INPP4B: variants seen among roughly 807,000 people sequenced by gnomAD.
The protein encoded by INPP4B is inositol polyphosphate 4-phosphatase type II.
A neutral mutation model predicts 122.5 loss-of-function variants in INPP4B; 55 were observed. That is an observed-to-expected ratio of 0.45 (90% confidence interval 0.36 to 0.56). INPP4B has a LOEUF of 0.56. INPP4B is among the 20% of genes least tolerant of loss of function. INPP4B has a pLI of 0.00. For missense variants in INPP4B, 1,000 were observed against 1,097.7 expected (o/e 0.91, Z 1.26); for synonymous variants, 403 against 388.7 (o/e 1.04, Z -0.43).
chr4:142,204,492 T>C (rs1435008827), intron 14 of INPP4B, among the ~76,000 whole-genome samples: 1 of 152,054 alleles, frequency 6.6e-6, no homozygotes, highest in Non-Finnish European at 1.5e-5. Flanking sequence ...TTGCTTGATA[T>C]TTGTCATTAC....
rs891400658 is a variant in INPP4B, at chr4:142,278,586, T to C, written c.504-7812A>G. On this transcript the variant is annotated intron_variant, in intron 9 of 25. Transcript: ENST00000262992. ...GATTGGAGAAGCTATGATCCCAAGATAGTGTGGCGAATTCCCCTTACCTTT... is the reference window on the plus strand; with the variant it reads ...GATTGGAGAAGCTATGATCCCAAGACAGTGTGGCGAATTCCCCTTACCTTT... Among the ~76,000 whole-genome samples the C allele has an allele frequency of 9.2e-5, 14 of 151,992 alleles. No individual in the cohort carries two copies. In the East Asian group the frequency reaches 1.5e-3, roughly 17 times the overall value.
intron 14 of INPP4B, among the ~76,000 whole-genome samples, chr4:142,194,686 C>T (rs2149376110): frequency 6.6e-6 from 1 of 152,298 alleles, no homozygotes; most frequent in South Asian, 2.1e-4. Flanking sequence ...GCTTCTAACT[C>T]AGTGACAGAG....
chr4:142,427,502 T>C, intron 5 of INPP4B: 1 of 658,924 alleles, frequency 1.5e-6, no homozygotes, highest in Admixed American at 2.1e-5. Flanking sequence ...GATGATGGTG[T>C]TGTTACTGAA....
chr4:142,818,017 A>G (rs1339099978), intron 1 of INPP4B, among the ~76,000 whole-genome samples: 1 of 151,936 alleles, frequency 6.6e-6, no homozygotes, highest in Non-Finnish European at 1.5e-5. Flanking sequence ...AAAAATTGAG[A>G]GGAAGAAAAC....
intron 14 of INPP4B, among the ~76,000 whole-genome samples, chr4:142,195,752 A>G (rs766186844): frequency 6.6e-6 from 1 of 152,228 alleles, no homozygotes; most frequent in Non-Finnish European, 1.5e-5. Context: ...AAATCTGAAT[A>G]GAGACTGAAC....
At chr4:142,742,004 A>C (rs1370180685) in intron 1 of INPP4B, among the ~76,000 whole-genome samples, 1 of 152,048 alleles carries the variant, frequency 6.6e-6, no homozygotes, top group Non-Finnish European at 1.5e-5. Context: ...CAGAATAAAT[A>C]AAAAGAAATT....
chr4:142,515,960 G>A (rs767966495), intron 2 of INPP4B, among the ~76,000 whole-genome samples: 4 of 152,160 alleles, frequency 2.6e-5, no homozygotes, highest in Non-Finnish European at 5.9e-5. Context: ...CTACCATTAT[G>A]TGCAATAAAC....
At chr4:142,566,722 G>T (rs1326939485) in intron 2 of INPP4B, among the ~76,000 whole-genome samples, 1 of 152,124 alleles carries the variant, frequency 6.6e-6, no homozygotes, top group Non-Finnish European at 1.5e-5. Context: ...CCACTTCTAG[G>T]TTCAGAAGTT....
At chr4:142,072,142 G>A (rs188806498) in intron 25 of INPP4B, among the ~76,000 whole-genome samples, 1,596 of 152,246 alleles carry the variant, frequency 0.01, 30 homozygotes, top group African/African-American at 0.037. Flanking sequence ...ATACACCATG[G>A]AATACTATGC....
intron 2 of INPP4B, among the ~76,000 whole-genome samples, chr4:142,650,536 G>C (rs1387756498): frequency 6.7e-6 from 1 of 150,068 alleles, no homozygotes; most frequent in Non-Finnish European, 1.5e-5. Flanking sequence ...ACCTTCAAAT[G>C]GAAAGTAAAA....
At chr4:142,432,800 C>G (rs1809616306) in intron 3 of INPP4B, among the ~76,000 whole-genome samples, 1 of 152,080 alleles carries the variant, frequency 6.6e-6, no homozygotes, top group African/African-American at 2.4e-5. Flanking sequence ...CAATCCTGAT[C>G]AGTCATCTTC....
chr4:142,031,638 T>C (rs983023786), intron 25 of INPP4B, among the ~76,000 whole-genome samples: 7 of 152,148 alleles, frequency 4.6e-5, no homozygotes, highest in South Asian at 2.1e-4. Context: ...CTATTGTCAA[T>C]TGTATGAGTA....
At chr4:142,343,067 A>G (rs1337577121) in intron 7 of INPP4B, among the ~76,000 whole-genome samples, 1 of 152,146 alleles carries the variant, frequency 6.6e-6, no homozygotes, top group East Asian at 1.9e-4. Flanking sequence ...GTACAAATCA[A>G]CATCATTAAG....
In INPP4B at chr4:142,578,860, T is replaced by G. The variant is rs141335931; in HGVS notation, c.-190-116134A>C. On this transcript the variant is annotated intron_variant, in intron 2 of 25. Coordinates refer to ENST00000262992, the MANE Select transcript of INPP4B (RefSeq NM_001101669.3). Reference sequence around the variant, plus strand: ...TTTAAAGTGATTTAACCATCTTGACTGTGATCTATTACATTTTCATGTAAA... The same window carrying G: ...TTTAAAGTGATTTAACCATCTTGACGGTGATCTATTACATTTTCATGTAAA... Among the ~76,000 whole-genome samples the G allele has an allele frequency of 2.0e-5, 3 of 152,166 alleles. No individual in the cohort carries two copies. The East Asian group carries it at 5.8e-4, about 29-fold the overall frequency.
At chr4:142,448,484 C>G (rs949451122) in intron 3 of INPP4B, among the ~76,000 whole-genome samples, 2 of 152,108 alleles carry the variant, frequency 1.3e-5, no homozygotes, top group African/African-American at 4.8e-5. Context: ...ATATATTTCA[C>G]AATGTCAAAT....
In INPP4B at chr4:142,452,578, G is replaced by T. The variant is rs751925128; in HGVS notation, c.-127+10085C>A. Among the ~76,000 whole-genome samples the T allele has an allele frequency of 5.2e-4, 79 of 152,308 alleles. No homozygotes were observed. In the Middle Eastern group the frequency reaches 0.017, roughly 33 times the overall value. On this transcript the variant is annotated intron_variant, in intron 3 of 25. Transcript: ENST00000262992. ...AGAAACTGGTAGTCATCTCCTTTAA[G>T]GATGGGAACACCAAGGCTCAGAGAC...
intron 2 of INPP4B, among the ~76,000 whole-genome samples, chr4:142,652,749 G>T (rs950518024): frequency 2.6e-5 from 4 of 152,146 alleles, no homozygotes; most frequent in Admixed American, 2.0e-4. Context: ...CATGCTCATG[G>T]ATAGAAAGAA....
At chr4:142,226,551 T>C (rs1376089202) in intron 12 of INPP4B, among the ~76,000 whole-genome samples, 1 of 152,164 alleles carries the variant, frequency 6.6e-6, no homozygotes, top group Non-Finnish European at 1.5e-5. Context: ...TCTTAAGAGG[T>C]TGAATATCAA....
intron 15 of INPP4B, among the ~76,000 whole-genome samples, chr4:142,182,157 G>C (rs1009486719): frequency 6.6e-6 from 1 of 152,150 alleles, no homozygotes; most frequent in Non-Finnish European, 1.5e-5. Context: ...TCTGTCATTA[G>C]CTGCATTGGT....
Sources: gnomAD v4.1 joint callset for allele counts (sites outside exome capture counted in the v4.1 genomes callset) on GRCh38, gnomAD v4.1.1 for gene constraint, MANE v1.5 for transcripts, NCBI Gene and HGNC (gene_info 2026-07-23, HGNC 2026-07-21) for gene names.